Variants in CNTNAP2 observed in about 807,000 individuals in gnomAD.
The protein encoded by CNTNAP2 is contactin-associated protein-like 2.
In CNTNAP2, 98 loss-of-function variants were observed where a neutral mutation model predicts 155.2. The ratio of observed to expected loss-of-function variants is 0.63; its 90% CI spans 0.54 to 0.75. The LOEUF is 0.75. CNTNAP2 is among the 30% of genes least tolerant of loss of function. The pLI is 0.00. For synonymous variants in CNTNAP2, 651 were observed against 631.2 expected (o/e 1.03, Z -0.47); for missense variants, 1,727 against 1,688.1 (o/e 1.02, Z -0.40).
chr7:146,831,669 CAAAAAAAAA>C (rs531970313), intron 2 of CNTNAP2, among the ~76,000 whole-genome samples: 2 of 16,804 alleles, frequency 1.2e-4, no homozygotes, highest in Admixed American at 8.4e-4. Context: ...AGCAAGACGC[CAAAAAAAAA>C]AAAAAAAAAA....
At chr7:146,261,539 C>T (rs1046753259) in intron 1 of CNTNAP2, among the ~76,000 whole-genome samples, 1 of 151,910 alleles carries the variant, frequency 6.6e-6, no homozygotes, top group Non-Finnish European at 1.5e-5. Context: ...TCTTAAATTT[C>T]CCTATTACCT....
Position 147,396,028 on chromosome 7 carries a change from GATAT to G in CNTNAP2, c.1670+251_1670+254del, listed in dbSNP as rs1563188553. Among the ~76,000 whole-genome samples, 7 of 146,914 alleles carry G rather than the reference GATAT, an allele frequency of 4.8e-5. No homozygotes were observed. In the Admixed American group the frequency reaches 4.8e-4, roughly 10 times the overall value. The stretch of plus-strand genomic sequence containing the variant: ...TATAGCATATATATGCTATATATGA[GATAT>G]ATCCTATATGTGCTATATGAGATAT... On this transcript the variant is annotated intron_variant, in intron 10 of 23. Transcript: ENST00000361727.
At chr7:146,985,226 C>T (rs1798092851) in intron 3 of CNTNAP2, among the ~76,000 whole-genome samples, 1 of 150,040 alleles carries the variant, frequency 6.7e-6, no homozygotes, top group African/African-American at 2.5e-5. Context: ...CAGTTCATTA[C>T]ATCAAAAAAA....
intron 16 of CNTNAP2, among the ~76,000 whole-genome samples, chr7:148,145,091 C>A (rs1334592000): frequency 7.2e-5 from 11 of 152,108 alleles, no homozygotes; most frequent in Admixed American, 7.2e-4. Flanking sequence ...CTTTCAGATC[C>A]TTCCTGAGGA....
At chr7:147,743,704 T>C (rs1447364542) in intron 13 of CNTNAP2, among the ~76,000 whole-genome samples, 1 of 151,556 alleles carries the variant, frequency 6.6e-6, no homozygotes, top group African/African-American at 2.4e-5. Context: ...TGACTTTTTT[T>C]TTCCATCTGA....
At chr7:147,829,419 G>A (rs1798513693) in intron 13 of CNTNAP2, among the ~76,000 whole-genome samples, 1 of 152,156 alleles carries the variant, frequency 6.6e-6, no homozygotes, top group South Asian at 2.1e-4. Context: ...ATGAGCTAAT[G>A]ATGTTGAATT....
intron 13 of CNTNAP2, among the ~76,000 whole-genome samples, chr7:147,802,742 G>C (rs137869053): frequency 6.8e-6 from 1 of 147,064 alleles, no homozygotes; most frequent in East Asian, 2.0e-4. Flanking sequence ...TCCAGCTTCC[G>C]CTCGGCATCA....
chr7:147,493,718 G>T (rs757547260), intron 11 of CNTNAP2, among the ~76,000 whole-genome samples: 1 of 152,134 alleles, frequency 6.6e-6, no homozygotes, highest in Non-Finnish European at 1.5e-5. Context: ...TTAGAATCTA[G>T]CTTGGCATTT....
At chr7:146,985,541 C>T (rs966505613) in intron 3 of CNTNAP2, among the ~76,000 whole-genome samples, 12 of 151,872 alleles carry the variant, frequency 7.9e-5, no homozygotes, top group Non-Finnish European at 1.5e-4. Context: ...AGGATGGTCT[C>T]GATCTCCTGA....
Position 146,438,159 on chromosome 7 carries a change from C to A in CNTNAP2, c.97+321186C>A, listed in dbSNP as rs553268276. ...ACATATGTATATCTTACTAGCAAGC[C>A]CGGAATGCCTAGTATACATATGTGC... On this transcript the variant is annotated intron_variant, in intron 1 of 23. Coordinates refer to ENST00000361727, the MANE Select transcript of CNTNAP2 (RefSeq NM_014141.6). 6.6e-5 allele frequency among the ~76,000 whole-genome samples: 10 copies of A among 151,362 alleles called. No homozygotes were observed. The South Asian group carries it at 2.1e-3, about 31-fold the overall frequency.
intron 21 of CNTNAP2, among the ~76,000 whole-genome samples, chr7:148,319,749 TCTCC>T (rs1169694261): frequency 6.6e-6 from 1 of 150,724 alleles, no homozygotes; most frequent in Non-Finnish European, 1.5e-5. Flanking sequence ...TCTGTCAGTA[TCTCC>T]CATCACCCCT....
chr7:146,918,320 C>A (rs371201024), intron 3 of CNTNAP2, among the ~76,000 whole-genome samples: 1 of 151,688 alleles, frequency 6.6e-6, no homozygotes, highest in South Asian at 2.1e-4. Flanking sequence ...TGGTGTGTTT[C>A]GAGGATTTTT....
intron 2 of CNTNAP2, among the ~76,000 whole-genome samples, chr7:146,810,299 C>CT (rs58947235): frequency 3.3e-3 from 311 of 93,458 alleles, no homozygotes; most frequent in South Asian, 0.011. Flanking sequence ...CTCTAGCTTT[C>CT]TTTTTTTTTT....
intron 1 of CNTNAP2, among the ~76,000 whole-genome samples, chr7:146,536,259 G>A (rs149483424): frequency 6.6e-6 from 1 of 151,656 alleles, no homozygotes; most frequent in Non-Finnish European, 1.5e-5. Context: ...TTCTGCAATT[G>A]TTCACTTGTT....
intron 11 of CNTNAP2, among the ~76,000 whole-genome samples, chr7:147,513,244 AT>A (rs1799053001): frequency 6.6e-6 from 1 of 152,198 alleles, no homozygotes; most frequent in African/African-American, 2.4e-5. Context: ...GTTTTACTGT[AT>A]TTTAAATCTG....
intron 13 of CNTNAP2, among the ~76,000 whole-genome samples, chr7:147,864,173 A>T (rs567223398): frequency 6.6e-6 from 1 of 152,134 alleles, no homozygotes; most frequent in South Asian, 2.1e-4. Context: ...AGCACCATTT[A>T]TTAAATAGGG....
chr7:147,310,599 T>C (rs1024365701), intron 9 of CNTNAP2, among the ~76,000 whole-genome samples: 10 of 152,216 alleles, frequency 6.6e-5, no homozygotes, highest in African/African-American at 2.4e-4. Context: ...AAATATGTGA[T>C]AGGTGTCAAG....
In CNTNAP2 at chr7:146,804,686, A is replaced by G. The variant is rs144009790; in HGVS notation, c.208+30305A>G. The stretch of plus-strand genomic sequence containing the variant: ...GCTCTTGGAAAAATAAATCTTATTG[A>G]AGAGCCCTATAAACACCACTTCTCA... On this transcript the variant is annotated intron_variant, in intron 2 of 23. Transcript: ENST00000361727. Among the ~76,000 whole-genome samples the G allele has an allele frequency of 2.1e-3, 319 of 152,298 alleles. 2 individuals are homozygous for G. Among genetic ancestry groups the G allele is most frequent in the African/African-American group, 5.8e-3 (242 of 41,556 alleles).
chr7:146,780,441 G>A (rs934405945), intron 2 of CNTNAP2, among the ~76,000 whole-genome samples: 3 of 151,854 alleles, frequency 2.0e-5, no homozygotes, highest in East Asian at 1.9e-4. Context: ...CACCCGCCTC[G>A]GCCTCCCAAA....
Sources: gnomAD v4.1 joint callset for allele counts (sites outside exome capture counted in the v4.1 genomes callset) on GRCh38, gnomAD v4.1.1 for gene constraint, MANE v1.5 for transcripts, NCBI Gene and HGNC (gene_info 2026-07-23, HGNC 2026-07-21) for gene names.